The following ATF1 variants were observed in gnomAD, a reference collection of about 807,000 sequenced individuals.
ATF1 encodes cyclic AMP-dependent transcription factor ATF-1.
ATF1 carries 16 observed loss-of-function variants against 34.7 expected under a neutral mutation model. The observed-to-expected ratio is 0.46, with a 90% confidence interval of 0.31 to 0.70. The LOEUF is 0.70. Among genes scored for constraint, ATF1 ranks in the 30% least tolerant of loss-of-function variants. The pLI is 0.05. For synonymous variants in ATF1, 105 were observed against 113.1 expected (o/e 0.93, Z 0.46); for missense variants, 255 against 321.6 (o/e 0.79, Z 1.58).
At chr12:50,803,185 C>T (rs1293365002) in intron 3 of ATF1, among the ~76,000 whole-genome samples, 1 of 151,364 alleles carries the variant, frequency 6.6e-6, no homozygotes, top group Non-Finnish European at 1.5e-5. Context: ...AGGAGAATCG[C>T]TTGAACTGGG....
At chr12:50,806,887 A>G (rs1484653760) in intron 3 of ATF1, among the ~76,000 whole-genome samples, 6 of 152,206 alleles carry the variant, frequency 3.9e-5, no homozygotes, top group Non-Finnish European at 5.9e-5. Context: ...ACAGAGTCCT[A>G]TAGGACTGAC....
chr12:50,796,419 GGCC>G (rs1941409929), intron 3 of ATF1, among the ~76,000 whole-genome samples: 1 of 152,102 alleles, frequency 6.6e-6, no homozygotes, highest in Non-Finnish European at 1.5e-5. Flanking sequence ...TTGGACCTTT[GGCC>G]GGATGCAGTG....
chr12:50,808,806 C>T (rs1312201520), intron 3 of ATF1, among the ~76,000 whole-genome samples: 2 of 151,694 alleles, frequency 1.3e-5, no homozygotes, highest in Middle Eastern at 3.4e-3. Flanking sequence ...GTGGCGCGAC[C>T]TCGACTCACT....
chr12:50,815,502 C>T (rs907119313), intron 6 of ATF1, among the ~76,000 whole-genome samples: 11 of 151,864 alleles, frequency 7.2e-5, no homozygotes, highest in Non-Finnish European at 1.0e-4. Context: ...CCTCCCAGCT[C>T]GGCCTCCCAA....
At chr12:50,811,268 ATAAC>A (rs1941730877) in intron 4 of ATF1, among the ~76,000 whole-genome samples, 1 of 152,166 alleles carries the variant, frequency 6.6e-6, no homozygotes. Context: ...GCATTTACAT[ATAAC>A]TAAGTCAGTA....
intron 2 of ATF1, among the ~76,000 whole-genome samples, chr12:50,788,818 G>A (rs1941241942): frequency 6.6e-6 from 1 of 152,156 alleles, no homozygotes; most frequent in African/African-American, 2.4e-5. Context: ...AGCTCTCATA[G>A]TATAAACAAT....
intron 3 of ATF1, chr12:50,806,453 C>A: frequency 2.7e-6 from 1 of 369,898 alleles, no homozygotes; most frequent in Non-Finnish European, 5.9e-6. Context: ...CACAGCACCA[C>A]ACAGGGCGGG....
intron 3 of ATF1, among the ~76,000 whole-genome samples, chr12:50,796,884 G>C (rs1941418946): frequency 1.3e-5 from 2 of 152,036 alleles, no homozygotes; most frequent in African/African-American, 2.4e-5. Flanking sequence ...AAAAGCTTAG[G>C]CTACAAAAAA....
At chr12:50,777,682 G>A (rs1170142768) in intron 1 of ATF1, among the ~76,000 whole-genome samples, 1 of 151,778 alleles carries the variant, frequency 6.6e-6, no homozygotes, top group Admixed American at 6.6e-5. Context: ...TCAGGAGGCT[G>A]AGGTGGAAGG....
chr12:50,792,990 T>C (rs1242530003), intron 2 of ATF1, among the ~76,000 whole-genome samples: 2 of 152,102 alleles, frequency 1.3e-5, no homozygotes, highest in East Asian at 1.9e-4. Context: ...CTTTTCCCAT[T>C]TTATAGTCCC....
At chr12:50,815,376 A>G (rs1014002515) in intron 6 of ATF1, among the ~76,000 whole-genome samples, 1 of 151,808 alleles carries the variant, frequency 6.6e-6, no homozygotes, top group African/African-American at 2.4e-5. Flanking sequence ...TAGAAAAGTT[A>G]TATTTGGTTT....
rs1422114237 is a variant in ATF1 at position 50,819,921 on chromosome 12, T to C, written c.*142T>C. ...AAGGATAAATATCTTACGCACGATA[T>C]CTAGTGACAGAGGAGAAAGTGGAAA... On this transcript the variant is annotated 3_prime_UTR_variant, in exon 7 of 7. Coordinates refer to ENST00000262053, the MANE Select transcript of ATF1 (RefSeq NM_005171.5). 5 of 691,308 alleles carry C rather than the reference T, an allele frequency of 7.2e-6. No individual in the cohort carries two copies. Among genetic ancestry groups the C allele is most frequent in the Non-Finnish European group, 1.1e-5 (5 of 441,110 alleles). 42.8% of individuals were successfully genotyped at this position (691,308 alleles called of 1,614,324 possible). A position where few individuals can be genotyped will look rare whatever the true frequency, so the allele number is the denominator to read the frequency against.
intron 1 of ATF1, among the ~76,000 whole-genome samples, chr12:50,773,669 C>T (rs184163670): frequency 2.8e-4 from 43 of 151,824 alleles, no homozygotes; most frequent in Admixed American, 2.8e-3. Context: ...TTCACTGCAT[C>T]GTTTCCGCCT....
At chr12:50,780,099 GTA>G (rs1565903009) in intron 1 of ATF1, 39 bp from the exon 2 acceptor site, 1 of 1,430,024 alleles carries the variant, frequency 7.0e-7, no homozygotes, top group Non-Finnish European at 9.8e-7. Context: ...TAAACATTCT[GTA>G]TCATATTTAA....
chr12:50,807,819 T>G lies in ATF1; in HGVS notation c.195-1637T>G, dbSNP rs568491051. ...GTGTGTGTGTTTTTTTTTTGTTTTT[T>G]TTTTTTTTTTGAGAGAGTCTCACTC... On this transcript the variant is annotated intron_variant, in intron 3 of 6. Transcript: ENST00000262053. Among the ~76,000 whole-genome samples the G allele has an allele frequency of 1.1e-3, 172 of 151,168 alleles. 2 individuals are homozygous for G. The highest frequency in any genetic ancestry group is 3.6e-3 in the African/African-American group (148 of 41,294).
At chr12:50,771,703 T>C (rs754243344) in intron 1 of ATF1, among the ~76,000 whole-genome samples, 7 of 152,136 alleles carry the variant, frequency 4.6e-5, no homozygotes, top group Admixed American at 2.0e-4. Context: ...ATTAAGGCAT[T>C]CTAAGTCACG....
intron 1 of ATF1, among the ~76,000 whole-genome samples, chr12:50,779,121 C>T (rs1940998126): frequency 6.6e-6 from 1 of 152,172 alleles, no homozygotes; most frequent in African/African-American, 2.4e-5. Context: ...AACAATATTC[C>T]ATTGTATGTA....
chr12:50,795,956 C>T lies in ATF1; in HGVS notation c.141C>T (p.Ser47=). Residue 47 remains serine (S), a synonymous_variant, in exon 3 of 7, where the codon AGC becomes AGT. Transcript: ENST00000262053. Reference sequence around the variant, plus strand: ...AGGAGTCCCAGGACTCATCCGACAGCATAGGCTCCTCACAGAAAGCCCACG... The same window carrying T: ...AGGAGTCCCAGGACTCATCCGACAGTATAGGCTCCTCACAGAAAGCCCACG... ...ESEESQDSSD[S]IGSSQKAHGI... 6.2e-7 allele frequency: 1 copy of T among 1,613,112 alleles called. No homozygotes were observed. Among genetic ancestry groups the T allele is most frequent in the Non-Finnish European group, 8.5e-7 (1 of 1,179,784 alleles).
intron 3 of ATF1, among the ~76,000 whole-genome samples, chr12:50,802,234 A>T (rs1358031805): frequency 2.0e-5 from 3 of 152,244 alleles, no homozygotes; most frequent in Non-Finnish European, 4.4e-5. Flanking sequence ...AACAGAACAC[A>T]TATACTGGAG....
Sources: gnomAD v4.1 joint callset for allele counts (sites outside exome capture counted in the v4.1 genomes callset) on GRCh38, gnomAD v4.1.1 for gene constraint, MANE v1.5 for transcripts, NCBI Gene and HGNC (gene_info 2026-07-23, HGNC 2026-07-21) for gene names.